The following ZRANB3 variants were observed in gnomAD, a reference collection of about 807,000 sequenced individuals.
ZRANB3 encodes zinc finger RANBP2-type containing 3.
A neutral mutation model predicts 133.8 loss-of-function variants in ZRANB3; 125 were observed. The ratio of observed to expected loss-of-function variants is 0.93; its 90% CI spans 0.81 to 1.08. The LOEUF (loss-of-function observed/expected upper bound fraction) is 1.08. ZRANB3 is among the 50% of genes least tolerant of loss of function. The probability of loss-of-function intolerance (pLI) is 0.00; values close to 1 mark genes in which losing one functional copy is unlikely to be tolerated. For missense variants in ZRANB3, 1,229 were observed against 1,275.5 expected, an observed-to-expected ratio of 0.96 and a Z score of 0.56; for synonymous variants, 387 against 432.7, an observed-to-expected ratio of 0.89 and a Z score of 1.31.
chr2:135,271,178 G>T, intron 10 of ZRANB3: 1 of 327,954 alleles, frequency 3.0e-6, no homozygotes. Flanking sequence ...AAAGCAGAAA[G>T]CGAGAAGGGG....
chr2:135,408,334 G>A (rs1688140327), intron 2 of ZRANB3, among the ~76,000 whole-genome samples: 1 of 152,094 alleles, frequency 6.6e-6, no homozygotes, highest in Non-Finnish European at 1.5e-5. Flanking sequence ...AACAGGTGCT[G>A]GAGAGGATGT....
chr2:135,525,558 C>G (rs114253932), intron 1 of ZRANB3, among the ~76,000 whole-genome samples: 230 of 152,240 alleles, frequency 1.5e-3, no homozygotes, highest in African/African-American at 5.4e-3. Context: ...GAACTGAAAA[C>G]AGGATTGGGC....
chr2:135,296,257 G>C (rs1191700399), intron 8 of ZRANB3, among the ~76,000 whole-genome samples: 1 of 152,148 alleles, frequency 6.6e-6, no homozygotes, highest in Admixed American at 6.5e-5. Flanking sequence ...TCCCATATTT[G>C]TTGGAGGCTT....
intron 2 of ZRANB3, among the ~76,000 whole-genome samples, chr2:135,473,546 T>TAA (rs548673772): frequency 1.5e-5 from 2 of 135,886 alleles, no homozygotes; most frequent in African/African-American, 5.4e-5. Flanking sequence ...AGTAATATGC[T>TAA]AAAAAAAAAA....
intron 2 of ZRANB3, 153 bp downstream of exon 2, chr2:135,504,176 T>C (rs1265503426): frequency 2.4e-6 from 2 of 829,152 alleles, no homozygotes; most frequent in Non-Finnish European, 4.0e-6. Flanking sequence ...GAAGTATAAG[T>C]CAACCATAGT....
chr2:135,230,566 T>C lies in ZRANB3; in HGVS notation c.1901A>G (p.Asn634Ser). Residue 634 changes from asparagine to serine, a missense_variant, in exon 13 of 21, where the codon AAT becomes AGT. Asn to Ser is a conservative substitution (Grantham distance 46). Coordinates refer to ENST00000264159, the MANE Select transcript of ZRANB3 (RefSeq NM_032143.4). ...TTCACAATAAGGTAACTCTGAATTA[T>C]TGATATAGGTGCAGAGACTACATTG... is the stretch of plus-strand genomic sequence containing the variant. ...GWQCSLCTYI[N>S]NSELPYCEMC... The C allele has an allele frequency of 1.3e-6, 2 of 1,576,208 alleles. No homozygotes were observed. Among genetic ancestry groups the C allele is most frequent in the East Asian group, 2.2e-5 (1 of 44,706 alleles).
At chr2:135,526,230 C>G (rs181810621) in intron 1 of ZRANB3, among the ~76,000 whole-genome samples, 3 of 137,834 alleles carry the variant, frequency 2.2e-5, no homozygotes, top group African/African-American at 8.1e-5. Flanking sequence ...ATGGCACTAT[C>G]TCGGCTCACC....
intron 3 of ZRANB3, among the ~76,000 whole-genome samples, chr2:135,381,325 G>A (rs1686686179): frequency 6.6e-6 from 1 of 152,230 alleles, no homozygotes; most frequent in Non-Finnish European, 1.5e-5. Context: ...CATTGCTGAG[G>A]CTTGAGTAGG....
intron 1 of ZRANB3, among the ~76,000 whole-genome samples, chr2:135,522,343 G>A (rs1411028162): frequency 6.6e-6 from 1 of 152,158 alleles, no homozygotes; most frequent in East Asian, 1.9e-4. Context: ...TTGAGGCTAC[G>A]AGCAAGCCTC....
rs1558849425 is a variant in ZRANB3, at chr2:135,233,481, CAT to C, written c.1540-2556_1540-2555del. On this transcript the variant is annotated intron_variant, in intron 12 of 20. Coordinates refer to ENST00000264159, the MANE Select transcript of ZRANB3 (RefSeq NM_032143.4). ...CTCCTCGAGAAGAGCAACTCCAAGA[CAT>C]ACAATCGTCAGATTCACCAAAGTTG... is the stretch of plus-strand genomic sequence containing the variant. 3.0e-4 allele frequency among the ~76,000 whole-genome samples: 45 copies of C among 152,268 alleles called. 1 individual carries two copies. The highest frequency in any genetic ancestry group is 2.3e-3 in the Admixed American group (35 of 15,304).
At chr2:135,484,464 G>A (rs115087097) in intron 2 of ZRANB3, among the ~76,000 whole-genome samples, 3 of 151,904 alleles carry the variant, frequency 2.0e-5, no homozygotes, top group Non-Finnish European at 4.4e-5. Flanking sequence ...TTTTAACCAT[G>A]TATATTCACA....
At chr2:135,260,102 G>A (rs1679879312) in intron 12 of ZRANB3, among the ~76,000 whole-genome samples, 1 of 152,156 alleles carries the variant, frequency 6.6e-6, no homozygotes, top group Non-Finnish European at 1.5e-5. Context: ...GCTTTATTCA[G>A]AAACAGCCTT....
intron 4 of ZRANB3, 54 bp downstream of exon 4, chr2:135,353,396 C>A (rs904372317): frequency 1.6e-6 from 2 of 1,283,056 alleles, no homozygotes; most frequent in African/African-American, 1.5e-5. Flanking sequence ...TGAATATATA[C>A]CAGGTACACA....
chr2:135,247,178 C>T (rs1423321379), intron 12 of ZRANB3, among the ~76,000 whole-genome samples: 5 of 152,184 alleles, frequency 3.3e-5, no homozygotes, highest in Non-Finnish European at 7.3e-5. Flanking sequence ...ATTGGGACAT[C>T]ATGCTGGTCT....
chr2:135,480,227 C>A (rs545513398), intron 2 of ZRANB3, among the ~76,000 whole-genome samples: 1 of 152,086 alleles, frequency 6.6e-6, no homozygotes, highest in South Asian at 2.1e-4. Flanking sequence ...CAGGCGTGAG[C>A]CACAGCGCTT....
Position 135,462,970 on chromosome 2 carries a change from T to C in ZRANB3, c.161+41359A>G, listed in dbSNP as rs562622701. Reference sequence around the variant, plus strand: ...CTCTTCCCTCCTCAGAGGAAACTAATTGAAATGTCATGTGAACCAAAGTAT... The same window carrying C: ...CTCTTCCCTCCTCAGAGGAAACTAACTGAAATGTCATGTGAACCAAAGTAT... On this transcript the variant is annotated intron_variant, in intron 2 of 20. Transcript: ENST00000264159. Among the ~76,000 whole-genome samples, 7 of 152,334 alleles carry C rather than the reference T, an allele frequency of 4.6e-5. No homozygotes were observed. The East Asian group carries it at 9.6e-4, about 21-fold the overall frequency.
Position 135,230,781 on chromosome 2 carries a change from T to A in ZRANB3, c.1686A>T (p.Arg562Ser). 3 of 1,613,986 alleles carry A rather than the reference T, an allele frequency of 1.9e-6. No homozygotes were observed. The highest frequency in any genetic ancestry group is 2.5e-6 in the Non-Finnish European group (3 of 1,179,898). ...VSSDPTKTAA[R>S]DIIDYESDVE... ...CATCACTTTCATAATCGATGATATC[T>A]CTTGCAGCTGTTTTTGTAGGGTCTG... is the stretch of plus-strand genomic sequence containing the variant. The change falls in exon 13 of 21, where the codon AGA becomes AGT. Residue 562 changes from arginine to serine, a missense_variant. Transcript: ENST00000264159.
chr2:135,372,075 C>T (rs946329011), intron 3 of ZRANB3, among the ~76,000 whole-genome samples: 9 of 149,922 alleles, frequency 6.0e-5, no homozygotes, highest in Non-Finnish European at 7.4e-5. Context: ...GGCTGAGGCA[C>T]GAGAATCACC....
chr2:135,197,531 G>A lies in ZRANB3; in HGVS notation c.*2811C>T, dbSNP rs1312589014. The stretch of plus-strand genomic sequence containing the variant: ...AAATGTACGTTGGGCTGTAATTAAC[G>A]CCAAGAGTGGGCGTCTTTAAAAATT... On this transcript the variant is annotated 3_prime_UTR_variant, in exon 21 of 21. Transcript: ENST00000264159. 6.6e-6 allele frequency: 1 copy of A among 152,188 alleles called. No individual in the cohort carries two copies. Among genetic ancestry groups the A allele is most frequent in the South Asian group, 2.1e-4 (1 of 4,830 alleles). 9.4% of individuals were successfully genotyped at this position (152,188 alleles called of 1,614,324 possible).
Sources: gnomAD v4.1 joint callset for allele counts (sites outside exome capture counted in the v4.1 genomes callset) on GRCh38, gnomAD v4.1.1 for gene constraint, MANE v1.5 for transcripts, NCBI Gene and HGNC (gene_info 2026-07-23, HGNC 2026-07-21) for gene names.